The following WDR25 variants were observed in gnomAD, a reference collection of about 807,000 sequenced individuals.
The protein encoded by WDR25 is WD repeat-containing protein 25.
A neutral mutation model predicts 47.7 loss-of-function variants in WDR25; 35 were observed. The ratio of observed to expected loss-of-function variants is 0.73; its 90% confidence interval spans 0.56 to 0.97. The LOEUF is 0.97. WDR25 is among the 50% of genes least tolerant of loss of function. The pLI is 0.00. For missense variants in WDR25, 634 were observed against 704.7 expected, an observed-to-expected ratio of 0.90 and a Z score of 1.14; for synonymous variants, 248 against 278.9, an observed-to-expected ratio of 0.89 and a Z score of 1.10.
intron 2 of WDR25, among the ~76,000 whole-genome samples, chr14:100,441,573 G>T (rs1242133910): frequency 1.3e-5 from 2 of 152,200 alleles, no homozygotes; most frequent in Non-Finnish European, 2.9e-5. Context: ...AGACACACAG[G>T]AGAGCTTGGC....
chr14:100,483,915 C>G (rs1900290017), intron 3 of WDR25, 79 bp from the exon 4 acceptor site: 1 of 1,512,452 alleles, frequency 6.6e-7, no homozygotes, highest in Non-Finnish European at 8.9e-7. Flanking sequence ...AGCCCCATAC[C>G]AGATGGCATC....
rs916650025 is a variant in WDR25, at chr14:100,500,521, C to T, written c.1101+16397C>T. 7.2e-5 allele frequency among the ~76,000 whole-genome samples: 11 copies of T among 152,172 alleles called. No individual in the cohort carries two copies. The highest frequency in any genetic ancestry group is 2.4e-4 in the African/African-American group (10 of 41,424). On this transcript the variant is annotated intron_variant, in intron 4 of 6. Transcript: ENST00000402312. This position sits in a 1 kb window ranked among gnomAD's most constrained non-coding sequence, Gnocchi z 4.7. ...GTGGCCTTTTTTGGTCCCTGTTGACCCTGTGCCTCATTAGAGAGATAGACC... is the reference window on the plus strand; with the variant it reads ...GTGGCCTTTTTTGGTCCCTGTTGACTCTGTGCCTCATTAGAGAGATAGACC...
chr14:100,419,428 C>T (rs2140209106), intron 2 of WDR25, among the ~76,000 whole-genome samples: 1 of 152,156 alleles, frequency 6.6e-6, no homozygotes, highest in African/African-American at 2.4e-5. Context: ...ATTTCATGAG[C>T]AGATGATGAC....
chr14:100,432,253 G>A (rs544770588), intron 2 of WDR25, among the ~76,000 whole-genome samples: 38 of 152,234 alleles, frequency 2.5e-4, no homozygotes, highest in African/African-American at 8.7e-4. Context: ...CAAAATGAAA[G>A]GAAAGGAAGA....
At chr14:100,443,586 A>G (rs967011289) in intron 2 of WDR25, among the ~76,000 whole-genome samples, 1 of 152,160 alleles carries the variant, frequency 6.6e-6, no homozygotes, top group Non-Finnish European at 1.5e-5. Context: ...CTGCAGCCTC[A>G]TGTCTCCTCT....
intron 2 of WDR25, among the ~76,000 whole-genome samples, chr14:100,391,368 A>G (rs1897141585): frequency 6.6e-6 from 1 of 152,178 alleles, no homozygotes; most frequent in Non-Finnish European, 1.5e-5. Flanking sequence ...GGGCATATTA[A>G]GGAGCAGCGC....
chr14:100,503,075 G>T (rs1188211878), intron 4 of WDR25, among the ~76,000 whole-genome samples: 2 of 151,832 alleles, frequency 1.3e-5, no homozygotes, highest in East Asian at 3.9e-4. Context: ...GTGTGTGTGT[G>T]TGCATGCGCA....
chr14:100,500,290 C>T lies in WDR25; in HGVS notation c.1101+16166C>T, dbSNP rs1464140627. On this transcript the variant is annotated intron_variant, in intron 4 of 6. Transcript: ENST00000402312. This position sits in a 1 kb window ranked among gnomAD's most constrained non-coding sequence, Gnocchi z 4.7. The stretch of plus-strand genomic sequence containing the variant: ...GCGGTTCTGGGTGGTTCAGGACCTG[C>T]GGGGGCTGCGGGGAAGGCCCTGCCC... Among the ~76,000 whole-genome samples the T allele has an allele frequency of 3.3e-5, 5 of 152,084 alleles. No homozygotes were observed. Among genetic ancestry groups the T allele is most frequent in the South Asian group, 2.1e-4 (1 of 4,810 alleles).
intron 2 of WDR25, among the ~76,000 whole-genome samples, chr14:100,416,414 A>T (rs988091650): frequency 2.0e-5 from 3 of 152,226 alleles, no homozygotes; most frequent in African/African-American, 4.8e-5. Context: ...CAGCCCAAAC[A>T]GTACGGGATG....
In WDR25 at chr14:100,495,604, T is replaced by C. The variant is rs181640511; in HGVS notation, c.1101+11480T>C. 2.0e-3 allele frequency among the ~76,000 whole-genome samples: 303 copies of C among 152,304 alleles called. 2 individuals are homozygous for C. The highest frequency in any genetic ancestry group is 7.2e-3 in the African/African-American group (300 of 41,560). On this transcript the variant is annotated intron_variant, in intron 4 of 6. Coordinates refer to ENST00000402312, the MANE Select transcript of WDR25 (RefSeq NM_001161476.3). ...TTCAGTTTTCTGGCCCTGGTTCCTGTGGAAATTTCTGCTCCAATGCATTGT... is the reference window on the plus strand; with the variant it reads ...TTCAGTTTTCTGGCCCTGGTTCCTGCGGAAATTTCTGCTCCAATGCATTGT...
At chr14:100,410,280 G>A (rs1010486801) in intron 2 of WDR25, among the ~76,000 whole-genome samples, 8 of 152,170 alleles carry the variant, frequency 5.3e-5, no homozygotes, top group African/African-American at 1.4e-4. Context: ...GGAATCTGGA[G>A]TGAGGGTGTA....
rs999710102 is a variant in WDR25 at position 100,506,751 on chromosome 14, A to G, written c.1102-19119A>G. ...TATTCATGTCTTTGGCCCATTTTTT[A>G]ATAGGGTTATTTGTTTTTTTGCTTG... On this transcript the variant is annotated intron_variant, in intron 4 of 6. Coordinates refer to ENST00000402312, the MANE Select transcript of WDR25 (RefSeq NM_001161476.3). The surrounding 1 kb of genome is among the most constrained non-coding windows in gnomAD (Gnocchi z 4.8). 6.6e-6 allele frequency among the ~76,000 whole-genome samples: 1 copy of G among 151,852 alleles called. No homozygotes were observed. The highest frequency in any genetic ancestry group is 1.5e-5 in the Non-Finnish European group (1 of 67,926).
chr14:100,383,990 T>C (rs2140141593), intron 2 of WDR25, among the ~76,000 whole-genome samples: 1 of 152,206 alleles, frequency 6.6e-6, no homozygotes, highest in South Asian at 2.1e-4. Flanking sequence ...CTGCCCTGGG[T>C]GGGGCCAGGC....
rs560151606 is a variant in WDR25, at chr14:100,392,747, C to T, written c.822+11001C>T. Among the ~76,000 whole-genome samples, 149 of 152,302 alleles carry T rather than the reference C, an allele frequency of 9.8e-4. No individual in the cohort carries two copies. The highest frequency in any genetic ancestry group is 1.6e-3 in the Non-Finnish European group (112 of 68,028). ...CATGACGCTCTATCGAGTTGATTAA[C>T]TGTAATTTACTTAGCCGCCCTTGGA... On this transcript the variant is annotated intron_variant, in intron 2 of 6. Coordinates refer to ENST00000402312, the MANE Select transcript of WDR25 (RefSeq NM_001161476.3). The surrounding 1 kb of genome is among the most constrained non-coding windows in gnomAD (Gnocchi z 4.2).
rs1898966028 is a variant in WDR25, at chr14:100,449,886, C to T, written c.823-18135C>T. 6.6e-6 allele frequency among the ~76,000 whole-genome samples: 1 copy of T among 152,170 alleles called. No individual in the cohort carries two copies. The highest frequency in any genetic ancestry group is 1.5e-5 in the Non-Finnish European group (1 of 68,016). ...TCTCCTGCTGTTACGCCATGTGCCA[C>T]GACACCCTGCCTTCTCCCCTGCTCC... On this transcript the variant is annotated intron_variant, in intron 2 of 6. Transcript: ENST00000402312. The surrounding 1 kb of genome is among the most constrained non-coding windows in gnomAD (Gnocchi z 4.2).
In WDR25 at chr14:100,498,152, CG is replaced by C. The variant is rs1404234319; in HGVS notation, c.1101+14030del. Reference sequence around the variant, plus strand: ...TGATGGCTGTGTGATTTTAAGCACACGGATGTTCCATGTACCCTGTCAGTGG... The same window carrying C: ...TGATGGCTGTGTGATTTTAAGCACACGATGTTCCATGTACCCTGTCAGTGG... On this transcript the variant is annotated intron_variant, in intron 4 of 6. Transcript: ENST00000402312. This position sits in a 1 kb window ranked among gnomAD's most constrained non-coding sequence, Gnocchi z 4.2. Among the ~76,000 whole-genome samples the C allele has an allele frequency of 6.6e-6, 1 of 152,226 alleles. No homozygotes were observed. The highest frequency in any genetic ancestry group is 1.5e-5 in the Non-Finnish European group (1 of 68,048).
chr14:100,526,936 C>T (rs796660461), intron 5 of WDR25, among the ~76,000 whole-genome samples: 131 of 102,348 alleles, frequency 1.3e-3, no homozygotes, highest in African/African-American at 3.0e-3. Context: ...CCTGTCATCA[C>T]CACCACACCA....
chr14:100,381,079 C>T lies in WDR25; in HGVS notation c.155C>T (p.Ser52Phe). 1.2e-6 allele frequency: 2 copies of T among 1,614,262 alleles called. No homozygotes were observed. Among genetic ancestry groups the T allele is most frequent in the Non-Finnish European group, 1.7e-6 (2 of 1,180,054 alleles). ...AGACCACCTGGGCAGGATTTTGCATCTGGTACACTGGATGTGCCCAAAGCA... is the reference window on the plus strand; with the variant it reads ...AGACCACCTGGGCAGGATTTTGCATTTGGTACACTGGATGTGCCCAAAGCA... The part of the protein sequence containing the change: ...VARPPGQDFA[S>F]GTLDVPKAGA... The change falls in exon 2 of 7, where the codon TCT (serine) becomes TTT (phenylalanine). Residue 52 changes from serine to phenylalanine, a missense_variant. By Grantham distance (155) the Ser-to-Phe change is radical (BLOSUM62 -2). Coordinates refer to ENST00000402312, the MANE Select transcript of WDR25 (RefSeq NM_001161476.3).
intron 2 of WDR25, among the ~76,000 whole-genome samples, chr14:100,461,798 A>G (rs1899422505): frequency 6.6e-6 from 1 of 152,168 alleles, no homozygotes; most frequent in African/African-American, 2.4e-5. Flanking sequence ...GGTCTCCGAG[A>G]TAAGAGTGAG....
Sources: allele counts gnomAD v4.1 joint callset (sites outside exome capture counted in the v4.1 genomes callset), GRCh38; gene constraint gnomAD v4.1.1; non-coding constraint Gnocchi (gnomAD v3.1); transcripts MANE v1.5; gene names NCBI Gene and HGNC (gene_info 2026-07-23, HGNC 2026-07-21).